Variants in UNC5D observed in about 807,000 individuals in gnomAD.
UNC5D encodes netrin receptor UNC5D.
UNC5D carries 39 observed loss-of-function variants against 105.4 expected under a neutral mutation model. The ratio of observed to expected loss-of-function variants is 0.37; its 90% CI spans 0.29 to 0.48. The LOEUF (loss-of-function observed/expected upper bound fraction) is 0.48. Ranked by LOEUF, UNC5D falls within the 20% of genes least tolerant of loss-of-function variation. The probability of loss-of-function intolerance (pLI) is 0.98; values close to 1 mark genes in which losing one functional copy is unlikely to be tolerated. For missense variants in UNC5D, 991 were observed against 1,202.4 expected, an observed-to-expected ratio of 0.82 and a Z score of 2.60; for synonymous variants, 452 against 450.4, an observed-to-expected ratio of 1.00 and a Z score of -0.04.
At chr8:35,699,814 C>G (rs1432018534) in intron 7 of UNC5D, among the ~76,000 whole-genome samples, 1 of 152,044 alleles carries the variant, frequency 6.6e-6, no homozygotes, top group Non-Finnish European at 1.5e-5. Flanking sequence ...CATTGCTGAC[C>G]AAGATCTTTA....
At chr8:35,675,559 C>A (rs1825154286) in intron 4 of UNC5D, among the ~76,000 whole-genome samples, 1 of 151,892 alleles carries the variant, frequency 6.6e-6, no homozygotes, top group Non-Finnish European at 1.5e-5. Context: ...CTACCAAATC[C>A]CAAGAGAGAG....
At chr8:35,241,210 C>T (rs764154822) in intron 1 of UNC5D, among the ~76,000 whole-genome samples, 32 of 152,212 alleles carry the variant, frequency 2.1e-4, no homozygotes, top group Non-Finnish European at 1.5e-4. Flanking sequence ...TTTGCATTTC[C>T]ACTTTGAAAA....
At chr8:35,750,554 G>A (rs1368965614) in intron 12 of UNC5D, 28 bp from the exon 13 acceptor site, 4 of 1,603,250 alleles carry the variant, frequency 2.5e-6, no homozygotes, top group African/African-American at 1.3e-5. Flanking sequence ...ATTTCCAAGT[G>A]AGAGAATAAA....
chr8:35,393,931 T>A (rs558179581), intron 1 of UNC5D, among the ~76,000 whole-genome samples: 2 of 152,328 alleles, frequency 1.3e-5, no homozygotes, highest in African/African-American at 4.8e-5. Flanking sequence ...TAAAGGACTT[T>A]TTTTGCTTTC....
At chr8:35,316,425 C>A (rs540811580) in intron 1 of UNC5D, among the ~76,000 whole-genome samples, 2 of 152,154 alleles carry the variant, frequency 1.3e-5, no homozygotes, top group South Asian at 2.1e-4. Flanking sequence ...AGATGCTAAT[C>A]CTCATTCTGT....
At chr8:35,521,166 AT>A (rs960790953) in intron 1 of UNC5D, among the ~76,000 whole-genome samples, 3 of 152,014 alleles carry the variant, frequency 2.0e-5, no homozygotes, top group Admixed American at 6.6e-5. Flanking sequence ...GAGGGGATGC[AT>A]TTTTTTTCTA....
chr8:35,328,805 C>T (rs1024274587), intron 1 of UNC5D, among the ~76,000 whole-genome samples: 1 of 152,168 alleles, frequency 6.6e-6, no homozygotes, highest in African/African-American at 2.4e-5. Flanking sequence ...GAGTATCGTT[C>T]CACATATTAG....
chr8:35,300,092 C>T (rs568812093), intron 1 of UNC5D, among the ~76,000 whole-genome samples: 52 of 151,890 alleles, frequency 3.4e-4, no homozygotes, highest in African/African-American at 1.1e-3. Flanking sequence ...GGAAGAGGAC[C>T]GAGGTAGTAG....
chr8:35,600,699 G>A (rs555737616), intron 4 of UNC5D, among the ~76,000 whole-genome samples: 5 of 151,974 alleles, frequency 3.3e-5, no homozygotes, highest in Non-Finnish European at 7.4e-5. Flanking sequence ...CTGGATATTA[G>A]CCCTTTGTCA....
rs73674031 is a variant in UNC5D, at chr8:35,577,600, T to G, written c.466+9359T>G. Among the ~76,000 whole-genome samples, 1,181 of 152,302 alleles carry G rather than the reference T, an allele frequency of 7.8e-3. 12 individuals are homozygous for G. Among genetic ancestry groups the G allele is most frequent in the African/African-American group, 0.026 (1,095 of 41,554 alleles). On this transcript the variant is annotated intron_variant, in intron 3 of 16. Coordinates refer to ENST00000404895, the MANE Select transcript of UNC5D (RefSeq NM_080872.4). ...ATGAATGAATGAACATATAAGTAAA[T>G]GGCACAAGGAAGAGCTCTTTCTTAT...
intron 4 of UNC5D, among the ~76,000 whole-genome samples, chr8:35,656,742 A>C (rs2131208064): frequency 6.6e-6 from 1 of 152,164 alleles, no homozygotes; most frequent in Middle Eastern, 3.4e-3. Context: ...GACATTTCTC[A>C]ATGTGTAAAG....
At chr8:35,501,104 G>A (rs117827874) in intron 1 of UNC5D, among the ~76,000 whole-genome samples, 4,421 of 152,248 alleles carry the variant, frequency 0.029, 92 homozygotes, top group Middle Eastern at 0.061. Context: ...CCTCATGTCT[G>A]ACTGACCAAA....
At chr8:35,243,978 A>G (rs2128803569) in intron 1 of UNC5D, among the ~76,000 whole-genome samples, 1 of 152,322 alleles carries the variant, frequency 6.6e-6, no homozygotes, top group East Asian at 1.9e-4. Flanking sequence ...AGGGTTTGAC[A>G]TTTGTTTTAG....
intron 4 of UNC5D, among the ~76,000 whole-genome samples, chr8:35,636,485 C>T (rs79992348): frequency 0.012 from 1,866 of 152,242 alleles, 51 homozygotes; most frequent in African/African-American, 0.043. Flanking sequence ...TTGTGCCAAA[C>T]TGAAGTTTCT....
chr8:35,569,604 G>C (rs1462119835), intron 3 of UNC5D, among the ~76,000 whole-genome samples: 1 of 152,176 alleles, frequency 6.6e-6, no homozygotes, highest in Non-Finnish European at 1.5e-5. Flanking sequence ...CAGGCTCTTG[G>C]TGTGAGAGCC....
At chr8:35,678,228 G>T (rs1301991139) in intron 4 of UNC5D, among the ~76,000 whole-genome samples, 2 of 152,094 alleles carry the variant, frequency 1.3e-5, no homozygotes, top group Non-Finnish European at 2.9e-5. Flanking sequence ...CTGGAGTTGT[G>T]CAGTGGACCT....
intron 1 of UNC5D, among the ~76,000 whole-genome samples, chr8:35,237,290 T>C (rs887658489): frequency 4.6e-5 from 7 of 151,052 alleles, no homozygotes; most frequent in Admixed American, 4.6e-4. Flanking sequence ...TGAACCACAG[T>C]TCCTTCTCGT....
chr8:35,769,340 A>G (rs935031293), intron 15 of UNC5D, among the ~76,000 whole-genome samples: 2 of 152,176 alleles, frequency 1.3e-5, no homozygotes, highest in African/African-American at 4.8e-5. Context: ...AAGGCCATCT[A>G]ATGGATTAGC....
chr8:35,523,059 A>G (rs1245209590), intron 1 of UNC5D, among the ~76,000 whole-genome samples: 5 of 151,398 alleles, frequency 3.3e-5, no homozygotes, highest in African/African-American at 1.2e-4. Flanking sequence ...TTTTTTTTAA[A>G]TAATTACAGT....
Sources: gnomAD v4.1 joint callset for allele counts (sites outside exome capture counted in the v4.1 genomes callset) on GRCh38, gnomAD v4.1.1 for gene constraint, MANE v1.5 for transcripts, NCBI Gene and HGNC (gene_info 2026-07-23, HGNC 2026-07-21) for gene names.